The following SYTL3 variants were observed in gnomAD, a reference collection of about 807,000 sequenced individuals.
SYTL3 encodes synaptotagmin-like protein 3.
A neutral mutation model predicts 82.1 loss-of-function variants in SYTL3; 88 were observed. The observed-to-expected ratio is 1.07, with a 90% CI of 0.90 to 1.28. SYTL3 has a LOEUF of 1.28. Ranked by LOEUF, SYTL3 falls within the 50% of genes most tolerant of loss-of-function variation. The pLI, the probability that SYTL3 is intolerant of heterozygous loss-of-function variation, is 0.00. For synonymous variants in SYTL3, 311 were observed against 289.4 expected, an observed-to-expected ratio of 1.07 and a Z score of -0.76; for missense variants, 831 against 757.6, an observed-to-expected ratio of 1.10 and a Z score of -1.14.
intron 11 of SYTL3, among the ~76,000 whole-genome samples, chr6:158,735,741 A>G (rs1786057560): frequency 6.6e-6 from 1 of 152,262 alleles, no homozygotes; most frequent in African/African-American, 2.4e-5. Flanking sequence ...TAGGCAAATC[A>G]GTGCAAAATT....
chr6:158,724,618 C>G (rs1784492162), intron 10 of SYTL3, among the ~76,000 whole-genome samples: 1 of 152,224 alleles, frequency 6.6e-6, no homozygotes, highest in Admixed American at 6.5e-5. Context: ...TGAAATGGGT[C>G]TAGCGCAACT....
intron 6 of SYTL3, among the ~76,000 whole-genome samples, chr6:158,686,119 C>A (rs569862975): frequency 6.6e-6 from 1 of 151,930 alleles, no homozygotes; most frequent in East Asian, 2.0e-4. Flanking sequence ...TTCAGCACTT[C>A]ATGTCTCCTG....
At chr6:158,714,675 AG>A (rs1232633932) in intron 9 of SYTL3, among the ~76,000 whole-genome samples, 1 of 152,186 alleles carries the variant, frequency 6.6e-6, no homozygotes, top group Admixed American at 6.5e-5. Flanking sequence ...AGGGCTGGTC[AG>A]GTGTTTAGAA....
At chr6:158,688,372 TACA>T (rs1779509651) in intron 6 of SYTL3, among the ~76,000 whole-genome samples, 1 of 152,226 alleles carries the variant, frequency 6.6e-6, no homozygotes, top group African/African-American at 2.4e-5. Context: ...TGTGCTTATT[TACA>T]ACAGGCTGGC....
intron 6 of SYTL3, among the ~76,000 whole-genome samples, chr6:158,693,855 C>CTTTTCTTTTCTTTTTTTTTTTTT (rs71030191): frequency 1.0e-5 from 1 of 96,864 alleles, no homozygotes; most frequent in African/African-American, 5.4e-5. Flanking sequence ...TTTTTCTTTT[C>CTTTTCTTTTCTTTTTTTTTTTTT]TTTTTTTTTT....
intron 14 of SYTL3, among the ~76,000 whole-genome samples, chr6:158,757,964 T>C (rs952134448): frequency 6.6e-6 from 1 of 152,018 alleles, no homozygotes; most frequent in South Asian, 2.1e-4. Flanking sequence ...GAGGAGCTGA[T>C]GGACTCCATT....
At chr6:158,646,003 G>A (rs1190274198), upstream of SYTL3, among the ~76,000 whole-genome samples, 1 of 152,194 alleles carries the variant, frequency 6.6e-6, no homozygotes, top group Non-Finnish European at 1.5e-5. Flanking sequence ...ATTTATGGTT[G>A]CTTGTTGATG....
Position 158,713,880 on chromosome 6 carries a change from T to C in SYTL3, c.595+2T>C. ...TGTCTCTTGCTACCCACGTGAAAAG[T>C]AAGTGCATGCTTCATGATGTGTTTT... On this transcript the variant is annotated splice_donor_variant, in intron 9 of 17. Transcript: ENST00000611299. LOFTEE classifies it high-confidence loss of function. 1.9e-6 allele frequency: 3 copies of C among 1,544,356 alleles called. No individual in the cohort carries two copies. In the African/African-American group the frequency reaches 4.1e-5, roughly 21 times the overall value.
intron 3 of SYTL3, among the ~76,000 whole-genome samples, chr6:158,662,163 A>T (rs917928193): frequency 6.6e-6 from 1 of 152,228 alleles, no homozygotes; most frequent in Non-Finnish European, 1.5e-5. Context: ...CTTTTAAAGC[A>T]TTGAAAGGAC....
chr6:158,650,290 T>C (rs1479472508), intron 1 of SYTL3, among the ~76,000 whole-genome samples: 2 of 152,180 alleles, frequency 1.3e-5, no homozygotes, highest in East Asian at 1.9e-4. Flanking sequence ...TTAAGTGATA[T>C]GGTGGAAGTG....
In SYTL3 at chr6:158,745,500, C is replaced by T. The variant is rs1787510566; in HGVS notation, c.876C>T (p.Asp292=). The T allele has an allele frequency of 1.2e-6, 2 of 1,610,326 alleles. No individual in the cohort carries two copies. The highest frequency in any genetic ancestry group is 2.2e-5 in the South Asian group (2 of 90,074). The change falls in exon 12 of 18, where the codon GAC becomes GAT. Residue 292 remains aspartate (D), a synonymous_variant. Transcript: ENST00000611299. The part of the protein sequence containing the change: ...GFRHGSLISI[D]STCTEMGNFD... ...TTCAGGGAAGTTTAATTAGCATTGA[C>T]AGCACCTGTACAGAGATGGGCAATT...
intron 2 of SYTL3, among the ~76,000 whole-genome samples, chr6:158,652,156 G>C (rs987553678): frequency 6.6e-6 from 1 of 151,994 alleles, no homozygotes; most frequent in African/African-American, 2.4e-5. Flanking sequence ...TCAAACTCCT[G>C]ACCTCAGGTG....
intron 11 of SYTL3, among the ~76,000 whole-genome samples, chr6:158,741,401 A>G (rs1343050192): frequency 1.3e-5 from 2 of 152,194 alleles, no homozygotes; most frequent in Admixed American, 1.3e-4. Flanking sequence ...GTTGTGTGAC[A>G]TGCAGTAGGG....
chr6:158,731,873 G>A (rs1325029425), intron 11 of SYTL3, among the ~76,000 whole-genome samples: 1 of 152,180 alleles, frequency 6.6e-6, no homozygotes, highest in African/African-American at 2.4e-5. Flanking sequence ...GATTACAGGC[G>A]TGAGCCACCG....
chr6:158,708,038 A>G (rs1427530676), intron 7 of SYTL3, among the ~76,000 whole-genome samples: 1 of 152,186 alleles, frequency 6.6e-6, no homozygotes, highest in Non-Finnish European at 1.5e-5. Flanking sequence ...GCCAGGTGGC[A>G]GGTCCAGGCC....
At position 158,701,170 on chromosome 6, in the gene SYTL3, A is replaced by G. The variant is rs73797086; in HGVS notation, c.395-6060A>G. On this transcript the variant is annotated intron_variant, in intron 6 of 17. Coordinates refer to ENST00000611299, the MANE Select transcript of SYTL3 (RefSeq NM_001242394.2). ...GAGGAGGTGAGCTGGGGTGTAGATG[A>G]AGGAGGTGAGCTGGGGTGTAGATGA... Among the ~76,000 whole-genome samples the G allele has an allele frequency of 9.4e-3, 1,350 of 142,892 alleles. 26 individuals carry two copies. The highest frequency in any genetic ancestry group is 0.037 in the African/African-American group (1,283 of 34,950). The allele number at this position is 142,892 out of a possible 152,430, so 93.7% of individuals were successfully genotyped here. A position where few individuals can be genotyped will look rare whatever the true frequency, so the allele number is the denominator to read the frequency against.
intron 10 of SYTL3, among the ~76,000 whole-genome samples, chr6:158,720,691 G>A (rs1315617212): frequency 6.6e-6 from 1 of 152,182 alleles, no homozygotes; most frequent in East Asian, 1.9e-4. Flanking sequence ...TGTTCTCAGC[G>A]TAATGCCCTT....
At chr6:158,671,735 A>T (rs905810646) in intron 5 of SYTL3, among the ~76,000 whole-genome samples, 2 of 96,794 alleles carry the variant, frequency 2.1e-5, no homozygotes, top group African/African-American at 1.1e-4. Flanking sequence ...GACTCAGTCT[A>T]AAAAAAAAAA....
chr6:158,655,207 A>C (rs1473137443), intron 2 of SYTL3, among the ~76,000 whole-genome samples: 2 of 152,204 alleles, frequency 1.3e-5, no homozygotes, highest in African/African-American at 4.8e-5. Context: ...AAAATGACTC[A>C]GATTTTTCTA....
Sources: allele counts gnomAD v4.1 joint callset (sites outside exome capture counted in the v4.1 genomes callset), GRCh38; gene constraint gnomAD v4.1.1; transcripts MANE v1.5; gene names NCBI Gene and HGNC (gene_info 2026-07-23, HGNC 2026-07-21).